PRDX1: variants seen among roughly 807,000 people sequenced by gnomAD.
The protein encoded by PRDX1 is peroxiredoxin-1.
PRDX1 carries 19 observed loss-of-function variants against 20.7 expected under a neutral mutation model. The observed-to-expected ratio is 0.92, with a 90% CI of 0.64 to 1.35. The LOEUF is 1.35. Among genes scored for constraint, PRDX1 ranks in the 40% most tolerant of loss-of-function variants. The probability of loss-of-function intolerance (pLI) is 0.00; values close to 1 mark genes in which losing one functional copy is unlikely to be tolerated. For synonymous variants in PRDX1, 89 were observed against 83.9 expected (o/e 1.06, Z -0.33); for missense variants, 226 against 240.0 (o/e 0.94, Z 0.38).
chr1:45,517,201 C>T (rs1643869394), intron 2 of PRDX1, among the ~76,000 whole-genome samples: 1 of 152,024 alleles, frequency 6.6e-6, no homozygotes, highest in African/African-American at 2.4e-5. Flanking sequence ...CTGCTTATAC[C>T]CCTGGGCCCA....
chr1:45,514,035 G>A (rs1643808994), intron 5 of PRDX1, among the ~76,000 whole-genome samples: 2 of 152,194 alleles, frequency 1.3e-5, no homozygotes, highest in Non-Finnish European at 2.9e-5. Flanking sequence ...ATGTCTCAGT[G>A]TAAAACCCAA....
intron 3 of PRDX1, 81 bp from the exon 4 acceptor site, chr1:45,515,076 C>T: frequency 1.3e-6 from 2 of 1,548,246 alleles, no homozygotes; most frequent in Non-Finnish European, 1.7e-6. Context: ...TTCCCATATT[C>T]CTAATCTAAC....
intron 2 of PRDX1, among the ~76,000 whole-genome samples, chr1:45,517,236 A>T (rs2149328724): frequency 6.6e-6 from 1 of 152,148 alleles, no homozygotes; most frequent in Non-Finnish European, 1.5e-5. Flanking sequence ...GGTGCAACTT[A>T]CCTTGTTTGC....
At chr1:45,522,622 ATAAT>A (rs773499161), upstream of PRDX1, among the ~76,000 whole-genome samples, 19 of 152,208 alleles carry the variant, frequency 1.2e-4, no homozygotes, top group African/African-American at 3.4e-4. Flanking sequence ...ACACAAAATC[ATAAT>A]TAATTATTTG....
At position 45,514,988 on chromosome 1, in the gene PRDX1, T is replaced by C; in HGVS notation, c.268A>G (p.Thr90Ala). The change falls in exon 4 of 6, where the codon ACA becomes GCA. Residue 90 changes from threonine to alanine, a missense_variant. Coordinates refer to ENST00000319248, the MANE Select transcript of PRDX1 (RefSeq NM_181697.3). Reference protein sequence around the residue: ...SHFCHLAWVNTPKKQGGLGPM... With the variant: ...SHFCHLAWVNAPKKQGGLGPM... ...CCCAGTCCTCCTTGTTTCTTAGGTG[T>C]ATTGACCCTATGGCAAAAGGCAAAC... The C allele has an allele frequency of 6.2e-7, 1 of 1,614,164 alleles. No individual in the cohort carries two copies. Among genetic ancestry groups the C allele is most frequent in the Non-Finnish European group, 8.5e-7 (1 of 1,180,020 alleles).
In PRDX1 at chr1:45,514,602, C is replaced by G. The variant is rs759959681; in HGVS notation, c.419G>C (p.Arg140Pro). 2 of 1,613,368 alleles carry G rather than the reference C, an allele frequency of 1.2e-6. No homozygotes were observed. The highest frequency in any genetic ancestry group is 1.7e-6 in the Non-Finnish European group (2 of 1,179,538). The change falls in exon 5 of 6, where the codon CGG becomes CCG. Residue 140 changes from arginine (R) to proline (P), a missense_variant. Coordinates refer to ENST00000319248, the MANE Select transcript of PRDX1 (RefSeq NM_181697.3). ...AGGGAGGTCATTTACAGTGATCTGC[C>G]GAAGAATACCCTTATCATCAATGAT... ...LFIIDDKGIL[R>P]QITVNDLPVG...
chr1:45,515,498 C>CT (rs752893497), intron 3 of PRDX1, among the ~76,000 whole-genome samples, 156 bp downstream of exon 3: 4 of 148,206 alleles, frequency 2.7e-5, no homozygotes, highest in Non-Finnish European at 5.9e-5. Context: ...ACTCAGGAGG[C>CT]TGAGGCAGGA....
chr1:45,514,618 C>G lies in PRDX1; in HGVS notation c.403G>C (p.Asp135His). 6.2e-7 allele frequency: 1 copy of G among 1,613,826 alleles called. No homozygotes were observed. Among genetic ancestry groups the G allele is most frequent in the Non-Finnish European group, 8.5e-7 (1 of 1,179,736 alleles). Reference protein sequence around the residue: ...ISFRGLFIIDDKGILRQITVN... With the variant: ...ISFRGLFIIDHKGILRQITVN... ...GTGATCTGCCGAAGAATACCCTTATCATCAATGATAAAAAGGCCCCTGGGA... is the reference window on the plus strand; with the variant it reads ...GTGATCTGCCGAAGAATACCCTTATGATCAATGATAAAAAGGCCCCTGGGA... Residue 135 changes from aspartate to histidine, a missense_variant, in exon 5 of 6, where the codon GAT (aspartate) becomes CAT (histidine). Asp to His is a moderately conservative substitution (Grantham distance 81). Coordinates refer to ENST00000319248, the MANE Select transcript of PRDX1 (RefSeq NM_181697.3).
At chr1:45,517,408 C>T (rs11211129) in intron 2 of PRDX1, among the ~76,000 whole-genome samples, 65,851 of 151,934 alleles carry the variant, frequency 0.43, 14,529 homozygotes, top group East Asian at 0.59. Flanking sequence ...TCAACTGTCC[C>T]AGGAGATCGA....
At chr1:45,517,507 C>T (rs191676334) in intron 2 of PRDX1, among the ~76,000 whole-genome samples, 2 of 152,140 alleles carry the variant, frequency 1.3e-5, no homozygotes, top group African/African-American at 2.4e-5. Flanking sequence ...AGAGGCCGGG[C>T]GCAGTGGCTC....
chr1:45,517,677 G>A (rs1001390514), intron 2 of PRDX1, among the ~76,000 whole-genome samples: 3 of 151,094 alleles, frequency 2.0e-5, no homozygotes, highest in Non-Finnish European at 4.4e-5. Context: ...AGCTACTCAA[G>A]AGGCTGAGGC....
intron 5 of PRDX1, chr1:45,512,533 CA>C (rs544265336): frequency 7.8e-4 from 109 of 140,514 alleles, no homozygotes; most frequent in Admixed American, 2.9e-3. Context: ...GACTCTGTCT[CA>C]AAAAAAAAAA....
chr1:45,513,800 C>T (rs1643803028), intron 5 of PRDX1, among the ~76,000 whole-genome samples: 1 of 152,226 alleles, frequency 6.6e-6, no homozygotes, highest in African/African-American at 2.4e-5. Flanking sequence ...GACACAAACA[C>T]TGCGGAAGGC....
At chr1:45,520,932 G>A (rs1426218203) in intron 1 of PRDX1, among the ~76,000 whole-genome samples, 2 of 152,106 alleles carry the variant, frequency 1.3e-5, no homozygotes, top group Non-Finnish European at 2.9e-5. Context: ...CCACTAAGCC[G>A]CGGTCTGAAA....
intron 1 of PRDX1, among the ~76,000 whole-genome samples, chr1:45,520,352 G>A (rs1035882339): frequency 2.0e-5 from 3 of 151,972 alleles, no homozygotes; most frequent in South Asian, 2.1e-4. Flanking sequence ...ATCCCAGGGC[G>A]AAAACAAGTA....
At chr1:45,522,286 A>C (rs571252465), upstream of PRDX1, among the ~76,000 whole-genome samples, 3 of 152,340 alleles carry the variant, frequency 2.0e-5, no homozygotes, top group African/African-American at 4.8e-5. Context: ...AGAACTGTCT[A>C]TCCAAATATT....
In PRDX1 at chr1:45,511,378, A is replaced by T; in HGVS notation, c.551T>A (p.Ile184Asn). ...PAGWKPGSDT[I>N]KPDVQKSKEY... ...TTTGCTCTTTTGGACATCAGGCTTGATGGTATCACTGCCAGGTTTCCAGCC... is the reference window on the plus strand; with the variant it reads ...TTTGCTCTTTTGGACATCAGGCTTGTTGGTATCACTGCCAGGTTTCCAGCC... The change falls in exon 6 of 6, where the codon ATC (isoleucine) becomes AAC (asparagine). Residue 184 changes from isoleucine to asparagine, a missense_variant. Coordinates refer to ENST00000319248, the MANE Select transcript of PRDX1 (RefSeq NM_181697.3). 2 of 1,613,260 alleles carry T rather than the reference A, an allele frequency of 1.2e-6. No homozygotes were observed. Among genetic ancestry groups the T allele is most frequent in the Non-Finnish European group, 1.7e-6 (2 of 1,179,704 alleles).
chr1:45,512,063 ATT>A (rs1643759077), intron 5 of PRDX1: 3 of 63,400 alleles, frequency 4.7e-5, no homozygotes, highest in African/African-American at 1.7e-4. Context: ...CTAATCTCTT[ATT>A]TTTCTTTTTT....
intron 2 of PRDX1, among the ~76,000 whole-genome samples, chr1:45,518,422 AC>A (rs1364177295): frequency 2.1e-5 from 3 of 139,560 alleles, no homozygotes; most frequent in African/African-American, 8.1e-5. Flanking sequence ...AGCCGAGATC[AC>A]GCCATTGCAC....
Sources: gnomAD v4.1 joint callset for allele counts (sites outside exome capture counted in the v4.1 genomes callset) on GRCh38, gnomAD v4.1.1 for gene constraint, MANE v1.5 for transcripts, NCBI Gene and HGNC (gene_info 2026-07-23, HGNC 2026-07-21) for gene names.